The following FAM83E variants were observed in gnomAD, a reference collection of about 807,000 sequenced individuals.
The protein encoded by FAM83E is protein FAM83E.
Under a neutral mutation model 34.3 loss-of-function variants are expected in FAM83E, and 29 were observed. The ratio of observed to expected loss-of-function variants is 0.85; its 90% CI spans 0.63 to 1.15. FAM83E has a LOEUF of 1.15. Among genes scored for constraint, FAM83E ranks in the 50% most tolerant of loss-of-function variants. The pLI is 0.00. For synonymous variants in FAM83E, 312 were observed against 311.6 expected (o/e 1.00, Z -0.01); for missense variants, 697 against 685.0 (o/e 1.02, Z -0.20).
intron 5 of FAM83E, 104 bp downstream of exon 5, chr19:48,609,772 G>T: frequency 7.5e-7 from 1 of 1,325,622 alleles, no homozygotes; most frequent in Non-Finnish European, 1.1e-6. Flanking sequence ...ACACAGATGA[G>T]AAAAGAGAGG....
chr19:48,606,812 A>AGGGCGTTGGGAACAGAGGACACTCC, intron 5 of FAM83E: 1 of 780,916 alleles, frequency 1.3e-6, no homozygotes. Flanking sequence ...AGAGGGACGC[A>AGGGCGTTGGGAACAGAGGACACTCC]GGGCGTTGGG....
At chr19:48,607,746 C>CTTTT (rs34786444) in intron 5 of FAM83E, 16 of 154,462 alleles carry the variant, frequency 1.0e-4, no homozygotes, top group South Asian at 3.8e-4. Flanking sequence ...TTTTCTTTTC[C>CTTTT]TTTTTTTTTT....
Position 48,603,701 on chromosome 19 carries a change from C to CGCGGGGGCCACGGA in FAM83E, c.955_968dup (p.Ser324ProfsTer36). ...GCGGGCCGTCAGGCGGCGGAGGCGACGCGGGGGCCACGGAGCGGCGGCGGG... is the reference window on the plus strand; with the variant it reads ...GCGGGCCGTCAGGCGGCGGAGGCGACGCGGGGGCCACGGAGCGGGGGCCACGGAGCGGCGGCGGG... On this transcript the variant is annotated frameshift_variant, in exon 6 of 7. Transcript: ENST00000263266. LOFTEE classifies it high-confidence loss of function. The CGCGGGGGCCACGGA allele has an allele frequency of 7.3e-7, 1 of 1,371,228 alleles. No homozygotes were observed. The allele number at this position is 1,371,228 out of a possible 1,614,324, so 84.9% of individuals were successfully genotyped here.
chr19:48,601,657 C>T (rs112163772), intron 6 of FAM83E, among the ~76,000 whole-genome samples: 2,151 of 151,512 alleles, frequency 0.014, 55 homozygotes, highest in African/African-American at 0.049. Context: ...CCTAGCTACT[C>T]GGGAGGCTGA....
At chr19:48,606,641 C>T (rs994350311) in intron 5 of FAM83E, 20 of 300,758 alleles carry the variant, frequency 6.6e-5, no homozygotes, top group African/African-American at 1.2e-4. Flanking sequence ...GGCAGGTCGG[C>T]GGGGCAGGCC....
chr19:48,613,190 C>A lies in FAM83E; in HGVS notation c.183G>T (p.Ala61=). ...QREELWPFLS[A]DEVQGLAAAA... ...CCGCTGCCAAGCCCTGAACCTCATCCGCACTGAGGAAGGGCCACAGCTCCT... is the reference window on the plus strand; with the variant it reads ...CCGCTGCCAAGCCCTGAACCTCATCAGCACTGAGGAAGGGCCACAGCTCCT... Residue 61 remains alanine, a synonymous_variant, in exon 3 of 7, where the codon GCG becomes GCT. Transcript: ENST00000263266. The A allele has an allele frequency of 6.2e-7, 1 of 1,611,742 alleles. No homozygotes were observed. Among genetic ancestry groups the A allele is most frequent in the Non-Finnish European group, 8.5e-7 (1 of 1,179,922 alleles).
chr19:48,606,660 G>A (rs1973933948), intron 5 of FAM83E: 1 of 343,100 alleles, frequency 2.9e-6, no homozygotes, highest in South Asian at 5.5e-5. Context: ...CCACCCCTTG[G>A]ATTGTGACAC....
rs1974108887 is a variant in FAM83E, at chr19:48,614,499, C to T, written c.-1127G>A. The T allele has an allele frequency of 2.0e-6, 2 of 985,500 alleles. No individual in the cohort carries two copies. The highest frequency in any genetic ancestry group is 4.7e-5 in the South Asian group (1 of 21,296). The allele number at this position is 985,500 out of a possible 1,614,324, so 61.0% of individuals were successfully genotyped here. A position where few individuals can be genotyped will look rare whatever the true frequency, so the allele number is the denominator to read the frequency against. ...ATCTCGCCCTGTCTCCCTCCCAAGC[C>T]TCAGTTATCCCCTTGAGGCTCCTGA... On this transcript the variant is annotated 5_prime_UTR_variant, in exon 3 of 7. Transcript: ENST00000263266.
chr19:48,601,173 T>A lies in FAM83E; in HGVS notation c.1373A>T (p.Gln458Leu). ...RFGGDATFKL[Q>L]EPRGVRPSDW... ...TGACGGCCTGACGCCTCTGGGCTCT[T>A]GAAGTTTGAATGTAGCATCCCCACC... Residue 458 changes from glutamine to leucine, a missense_variant, in exon 7 of 7, where the codon CAA (glutamine) becomes CTA (leucine). Coordinates refer to ENST00000263266, the MANE Select transcript of FAM83E (RefSeq NM_017708.4). The A allele has an allele frequency of 1.2e-6, 2 of 1,613,114 alleles. No homozygotes were observed. Among genetic ancestry groups the A allele is most frequent in the East Asian group, 4.5e-5 (2 of 44,846 alleles).
At position 48,610,833 on chromosome 19, in the gene FAM83E, G is replaced by T; in HGVS notation, c.480C>A (p.Val160=). Residue 160 remains valine (V), a synonymous_variant, in exon 4 of 7, where the codon GTC becomes GTA. Coordinates refer to ENST00000263266, the MANE Select transcript of FAM83E (RefSeq NM_017708.4). The stretch of plus-strand genomic sequence containing the variant: ...GGTCTGGGTCAGTGAAGACGTCCAT[G>T]ACCACGGCCACCAGCTGGGCATGGG... ...IQAAHKLVAV[V]MDVFTDPDLL... The T allele has an allele frequency of 6.3e-7, 1 of 1,594,698 alleles. No individual in the cohort carries two copies. The highest frequency in any genetic ancestry group is 1.1e-5 in the South Asian group (1 of 87,766).
At chr19:48,606,954 G>T (rs1351093777) in intron 5 of FAM83E, 1 of 1,596,756 alleles carries the variant, frequency 6.3e-7, no homozygotes, top group Non-Finnish European at 8.5e-7. Context: ...CCTGGCTGGG[G>T]CAGGGTCAAC....
At chr19:48,604,117 T>C (rs528742622) in intron 5 of FAM83E, among the ~76,000 whole-genome samples, 2 of 152,008 alleles carry the variant, frequency 1.3e-5, no homozygotes, top group African/African-American at 2.4e-5. Flanking sequence ...AAGACACTTA[T>C]ATAATCAGGG....
At position 48,614,538 on chromosome 19, in the gene FAM83E, A is replaced by T; in HGVS notation, c.-1166T>A. On this transcript the variant is annotated 5_prime_UTR_variant, in exon 3 of 7. Coordinates refer to ENST00000263266, the MANE Select transcript of FAM83E (RefSeq NM_017708.4). ...TGAGGCTCCTGACCCAACCTCGGGGACCCTGGACCCTTGATCCCTGCAAAC... is the reference window on the plus strand; with the variant it reads ...TGAGGCTCCTGACCCAACCTCGGGGTCCCTGGACCCTTGATCCCTGCAAAC... 8.1e-6 allele frequency: 8 copies of T among 985,562 alleles called. No homozygotes were observed. The highest frequency in any genetic ancestry group is 9.6e-6 in the Non-Finnish European group (8 of 830,238). 61.1% of individuals were successfully genotyped at this position (985,562 alleles called of 1,614,324 possible). A position where few individuals can be genotyped will look rare whatever the true frequency, so the allele number is the denominator to read the frequency against.
At chr19:48,605,544 C>T (rs1973912670) in intron 5 of FAM83E, among the ~76,000 whole-genome samples, 1 of 151,588 alleles carries the variant, frequency 6.6e-6, no homozygotes, top group South Asian at 2.1e-4. Context: ...CACTGCACTC[C>T]AGTCTAGGCA....
At chr19:48,607,483 A>G in intron 5 of FAM83E, 9 of 1,263,306 alleles carry the variant, frequency 7.1e-6, no homozygotes, top group Non-Finnish European at 9.7e-6. Context: ...CATCCCTTCT[A>G]AGGCTGTCCA....
Position 48,613,729 on chromosome 19 carries a change from C to A in FAM83E, c.-357G>T. ...CACCATCCCCAACTGTGTGACCCATCAGCTGGCCATCTCTGCTCAGCCACA... is the reference window on the plus strand; with the variant it reads ...CACCATCCCCAACTGTGTGACCCATAAGCTGGCCATCTCTGCTCAGCCACA... On this transcript the variant is annotated 5_prime_UTR_variant, in exon 3 of 7. The change abolishes the stop of an existing upstream ORF in the 5' untranslated region. Transcript: ENST00000263266. 1 of 985,422 alleles carries A rather than the reference C, an allele frequency of 1.0e-6. No homozygotes were observed. Among genetic ancestry groups the A allele is most frequent in the Non-Finnish European group, 1.2e-6 (1 of 829,924 alleles). The allele number at this position is 985,422 out of a possible 1,614,324, so 61.0% of individuals were successfully genotyped here.
chr19:48,614,288 TGCCACCTAACCA>T lies in FAM83E; in HGVS notation c.-928_-917del. On this transcript the variant is annotated 5_prime_UTR_variant, in exon 3 of 7. Coordinates refer to ENST00000263266, the MANE Select transcript of FAM83E (RefSeq NM_017708.4). ...TCTTCACAGCCCATCTAGGTGTGAG[TGCCACCTAACCA>T]GCCACCCTCCTCAGGCTGGCTGCCC... 1 of 985,480 alleles carries T rather than the reference TGCCACCTAACCA, an allele frequency of 1.0e-6. No homozygotes were observed. The highest frequency in any genetic ancestry group is 1.2e-6 in the Non-Finnish European group (1 of 830,114). 61.0% of individuals were successfully genotyped at this position (985,480 alleles called of 1,614,324 possible). A position where few individuals can be genotyped will look rare whatever the true frequency, so the allele number is the denominator to read the frequency against.
Position 48,613,930 on chromosome 19 carries a change from G to A in FAM83E, c.-558C>T, listed in dbSNP as rs192369646. The A allele has an allele frequency of 3.9e-4, 389 of 985,414 alleles. 1 individual carries two copies. In the African/African-American group the frequency reaches 4.6e-3, roughly 12 times the overall value. The allele number at this position is 985,414 out of a possible 1,614,324, so 61.0% of individuals were successfully genotyped here. On this transcript the variant is annotated 5_prime_UTR_variant, in exon 3 of 7. Transcript: ENST00000263266. ...CCTGCCTGCCCCCGGCCAAGAGCAC[G>A]ACGAACTGACCCTCTCCTTCCACTG...
At chr19:48,607,746 C>CTT (rs34786444) in intron 5 of FAM83E, 5,307 of 154,352 alleles carry the variant, frequency 0.034, 275 homozygotes, top group East Asian at 0.24. Flanking sequence ...TTTTCTTTTC[C>CTT]TTTTTTTTTT....
Sources: allele counts gnomAD v4.1 joint callset (sites outside exome capture counted in the v4.1 genomes callset), GRCh38; gene constraint gnomAD v4.1.1; transcripts MANE v1.5; gene names NCBI Gene and HGNC (gene_info 2026-07-23, HGNC 2026-07-21).